The following PIK3R5 variants were observed in gnomAD, a reference collection of about 807,000 sequenced individuals.
PIK3R5 encodes the protein phosphoinositide 3-kinase regulatory subunit 5.
Under a neutral mutation model 94.9 loss-of-function variants are expected in PIK3R5, and 32 were observed. The observed-to-expected ratio is 0.34, with a 90% CI of 0.25 to 0.45. The LOEUF is 0.45. Among genes scored for constraint, PIK3R5 ranks in the 20% least tolerant of loss-of-function variants. The pLI, the probability that PIK3R5 is intolerant of heterozygous loss-of-function variation, is 1.00. For missense variants in PIK3R5, 853 were observed against 1,144.6 expected, an observed-to-expected ratio of 0.75 and a Z score of 3.68; for synonymous variants, 443 against 479.4, an observed-to-expected ratio of 0.92 and a Z score of 0.99.
chr17:8,942,936 G>A (rs1156609040), intron 1 of PIK3R5, among the ~76,000 whole-genome samples: 1 of 144,428 alleles, frequency 6.9e-6, no homozygotes. Flanking sequence ...TGGCTGCTGC[G>A]CCAGCTGGAC....
rs381198 is a variant in PIK3R5 at position 8,890,697 on chromosome 17, A to G, written c.657+41T>C. 644,864 of 1,549,406 alleles carry G rather than the reference A, an allele frequency of 0.42. 137,845 individuals are homozygous for G. Among genetic ancestry groups the G allele is most frequent in the African/African-American group, 0.61 (45,302 of 73,822 alleles). ...AGCAGGGAGAGGGTGCTACCTCCTCAGAGAGGTGCTCCACCAGAGCCCCAG... is the reference window on the plus strand; with the variant it reads ...AGCAGGGAGAGGGTGCTACCTCCTCGGAGAGGTGCTCCACCAGAGCCCCAG... On this transcript the variant is annotated intron_variant, in intron 7 of 18. Coordinates refer to ENST00000447110, the MANE Select transcript of PIK3R5 (RefSeq NM_001142633.3). The surrounding 1 kb of genome is among the most constrained non-coding windows in gnomAD (Gnocchi z 6.1).
chr17:8,905,322 C>A (rs1342956571), intron 4 of PIK3R5, among the ~76,000 whole-genome samples: 1 of 54,400 alleles, frequency 1.8e-5, no homozygotes, highest in Non-Finnish European at 3.7e-5. Context: ...ATTTGATGCC[C>A]CCCTGTCTGG....
chr17:8,895,555 G>A (rs544107828), intron 5 of PIK3R5, among the ~76,000 whole-genome samples: 4 of 152,184 alleles, frequency 2.6e-5, no homozygotes, highest in South Asian at 4.2e-4. Flanking sequence ...TCATCCTCAC[G>A]CTGCTTGAAC....
chr17:8,928,588 G>T (rs1273703840), intron 1 of PIK3R5, among the ~76,000 whole-genome samples: 1 of 151,632 alleles, frequency 6.6e-6, no homozygotes, highest in African/African-American at 2.4e-5. Context: ...AATGCTAGAA[G>T]GAAGTGGAAT....
At chr17:8,905,034 A>T (rs2090364215) in intron 4 of PIK3R5, 119 bp from the exon 5 acceptor site, 2 of 1,103,352 alleles carry the variant, frequency 1.8e-6, no homozygotes, top group Admixed American at 4.0e-5. Context: ...TCCTGGCCGC[A>T]GCGTGTCCCA....
In PIK3R5 at chr17:8,881,483, TCTCA is replaced by T; in HGVS notation, c.2382+143_2382+146del. ...TCTCCTCCCCCACCTCTCCTCTCTC[TCTCA>T]CACACACACAAGTATGTACACACGG... On this transcript the variant is annotated intron_variant, in intron 17 of 18. Coordinates refer to ENST00000447110, the MANE Select transcript of PIK3R5 (RefSeq NM_001142633.3). The surrounding 1 kb of genome is among the most constrained non-coding windows in gnomAD (Gnocchi z 4.8). 1.4e-6 allele frequency: 1 copy of T among 710,374 alleles called. No homozygotes were observed. The highest frequency in any genetic ancestry group is 2.5e-6 in the Non-Finnish European group (1 of 401,386). The allele number at this position is 710,374 out of a possible 1,614,324, so 44.0% of individuals were successfully genotyped here.
chr17:8,937,227 T>C (rs111556342), intron 1 of PIK3R5, among the ~76,000 whole-genome samples: 1 of 152,354 alleles, frequency 6.6e-6, no homozygotes, highest in African/African-American at 2.4e-5. Flanking sequence ...TCCCAATCTG[T>C]ATACCTTTCA....
At chr17:8,951,552 A>G (rs1053116495) in intron 1 of PIK3R5, among the ~76,000 whole-genome samples, 2 of 152,246 alleles carry the variant, frequency 1.3e-5, no homozygotes, top group African/African-American at 4.8e-5. Flanking sequence ...TTCAAGGTTC[A>G]TGCATATCGT....
chr17:8,897,274 A>C (rs917782250), intron 5 of PIK3R5, among the ~76,000 whole-genome samples: 7 of 151,892 alleles, frequency 4.6e-5, no homozygotes, highest in Non-Finnish European at 1.0e-4. Flanking sequence ...AGAGAGGGGG[A>C]AGGTGAGAAG....
At position 8,886,194 on chromosome 17, in the gene PIK3R5, G is replaced by A. The variant is rs1479405506; in HGVS notation, c.2128+35C>T. ...CTCCACGTTTCGCGTCCCAGGCCCCGCCTCACCGTCTGTCTCTGCTCAGGC... is the reference window on the plus strand; with the variant it reads ...CTCCACGTTTCGCGTCCCAGGCCCCACCTCACCGTCTGTCTCTGCTCAGGC... On this transcript the variant is annotated intron_variant, in intron 14 of 18. Transcript: ENST00000447110. 13 of 1,528,470 alleles carry A rather than the reference G, an allele frequency of 8.5e-6. No homozygotes were observed. The South Asian group carries it at 1.0e-4, about 12-fold the overall frequency. 94.7% of individuals were successfully genotyped at this position (1,528,470 alleles called of 1,614,324 possible).
chr17:8,945,328 C>T lies in PIK3R5; in HGVS notation c.-14+20268G>A. ...CTCCAAGAGATTCTTCCCTTACAATCAGTAGGTCTGCCTCCCACCCCAGCC... is the reference window on the plus strand; with the variant it reads ...CTCCAAGAGATTCTTCCCTTACAATTAGTAGGTCTGCCTCCCACCCCAGCC... On this transcript the variant is annotated intron_variant, in intron 1 of 18. Coordinates refer to ENST00000447110, the MANE Select transcript of PIK3R5 (RefSeq NM_001142633.3). The surrounding 1 kb of genome is among the most constrained non-coding windows in gnomAD (Gnocchi z 4.0). Among the ~76,000 whole-genome samples the T allele has an allele frequency of 6.6e-6, 1 of 152,120 alleles. No individual in the cohort carries two copies. Among genetic ancestry groups the T allele is most frequent in the African/African-American group, 2.4e-5 (1 of 41,404 alleles).
In PIK3R5 at chr17:8,880,751, C is replaced by A. The variant is rs2089633842; in HGVS notation, c.2531G>T (p.Ser844Ile). 1.2e-6 allele frequency: 2 copies of A among 1,613,892 alleles called. No individual in the cohort carries two copies. Among genetic ancestry groups the A allele is most frequent in the Non-Finnish European group, 1.7e-6 (2 of 1,179,860 alleles). Residue 844 changes from serine to isoleucine, a missense_variant, in exon 19 of 19, where the codon AGC becomes ATC. Around this residue, in one of 6 missense-constraint regions of PIK3R5, gnomAD observed 91 missense variants for 90.5 expected, o/e 1.01. Coordinates refer to ENST00000447110, the MANE Select transcript of PIK3R5 (RefSeq NM_001142633.3). ...EVSPCYKPEK[S>I]DLSSPPQTPP... is the part of the protein sequence containing the mutation. ...CGTCTGGGGTGGTGAGGAGAGGTCG[C>A]TCTTCTCTGGCTTGTAGCACGGTGA...
At chr17:8,934,550 A>C (rs2091039823) in intron 1 of PIK3R5, among the ~76,000 whole-genome samples, 1 of 152,216 alleles carries the variant, frequency 6.6e-6, no homozygotes, top group African/African-American at 2.4e-5. Flanking sequence ...TAAAAAATAG[A>C]AATGAATAAC....
In PIK3R5 at chr17:8,935,674, A is replaced by T. The variant is rs1277613594; in HGVS notation, c.-13-24167T>A. ...GCTAAATAAGAAGGCAACCATCCTG[A>T]GGAAGGTTTGTGGCAGGAAAGTGAA... On this transcript the variant is annotated intron_variant, in intron 1 of 18. Transcript: ENST00000447110. This position sits in a 1 kb window ranked among gnomAD's most constrained non-coding sequence, Gnocchi z 4.5. 1.3e-5 allele frequency among the ~76,000 whole-genome samples: 2 copies of T among 152,188 alleles called. No individual in the cohort carries two copies. Among genetic ancestry groups the T allele is most frequent in the African/African-American group, 4.8e-5 (2 of 41,500 alleles).
rs113111811 is a variant in PIK3R5, at chr17:8,903,522, G to A, written c.412+1255C>T. On this transcript the variant is annotated intron_variant, in intron 5 of 18. Coordinates refer to ENST00000447110, the MANE Select transcript of PIK3R5 (RefSeq NM_001142633.3). ...AAATATTTATATATTATGTTTTTTA[G>A]TTTACATATATTTTATAAATTTTAA... is the stretch of plus-strand genomic sequence containing the variant. Among the ~76,000 whole-genome samples, 430 of 149,458 alleles carry A rather than the reference G, an allele frequency of 2.9e-3. 3 individuals are homozygous for A. Among genetic ancestry groups the A allele is most frequent in the African/African-American group, 9.9e-3 (406 of 41,016 alleles).
intron 1 of PIK3R5, among the ~76,000 whole-genome samples, chr17:8,930,722 AC>A (rs1298083733): frequency 2.6e-5 from 4 of 152,226 alleles, no homozygotes; most frequent in Non-Finnish European, 5.9e-5. Flanking sequence ...ACACACAACA[AC>A]CTGGGTTAAC....
intron 5 of PIK3R5, among the ~76,000 whole-genome samples, chr17:8,901,491 G>C (rs2090281259): frequency 6.6e-6 from 1 of 152,178 alleles, no homozygotes. Flanking sequence ...GTAACTGGTT[G>C]GGTAGGAAAG....
chr17:8,913,043 C>A (rs2090559066), intron 1 of PIK3R5, among the ~76,000 whole-genome samples: 1 of 152,216 alleles, frequency 6.6e-6, no homozygotes, highest in African/African-American at 2.4e-5. Context: ...AGCAGCTGTG[C>A]TCCTTGGTGG....
chr17:8,882,351 A>C lies in PIK3R5; in HGVS notation c.2206-470T>G. The C allele has an allele frequency of 6.0e-6, 1 of 167,292 alleles. No individual in the cohort carries two copies. The highest frequency in any genetic ancestry group is 1.3e-5 in the Non-Finnish European group (1 of 75,664). 10.4% of individuals were successfully genotyped at this position (167,292 alleles called of 1,614,324 possible). On this transcript the variant is annotated intron_variant, in intron 15 of 18. Transcript: ENST00000447110. This position sits in a 1 kb window ranked among gnomAD's most constrained non-coding sequence, Gnocchi z 4.1. ...CAGTTCACTGCTCTCCCCTCCTTGA[A>C]AACCTCTCCTGGGCTTTCGTGATGG...
Sources: gnomAD v4.1 joint callset for allele counts (sites outside exome capture counted in the v4.1 genomes callset) on GRCh38, gnomAD v4.1.1 for gene constraint, gnomAD v4.1.1 regional missense constraint, Gnocchi (gnomAD v3.1) non-coding constraint, MANE v1.5 for transcripts, NCBI Gene and HGNC (gene_info 2026-07-23, HGNC 2026-07-21) for gene names.